EVA1A: variants seen among roughly 807,000 people sequenced by gnomAD.
The protein encoded by EVA1A is protein eva-1 homolog A.
In EVA1A, 7 loss-of-function variants were observed where a neutral mutation model predicts 9.8. That is an observed-to-expected ratio of 0.71 (90% confidence interval 0.41 to 1.34). The LOEUF (loss-of-function observed/expected upper bound fraction) is 1.34. Ranked by LOEUF, EVA1A falls within the 40% of genes most tolerant of loss-of-function variation. EVA1A has a pLI of 0.01. For missense variants in EVA1A, 206 were observed against 205.9 expected (o/e 1.00, Z 0.00); for synonymous variants, 90 against 85.6 (o/e 1.05, Z -0.28).
intron 3 of EVA1A, among the ~76,000 whole-genome samples, chr2:75,516,331 A>C (rs1295017751): frequency 6.6e-6 from 1 of 152,218 alleles, no homozygotes; most frequent in Non-Finnish European, 1.5e-5. Context: ...CTGAGTCTAC[A>C]CACTGCATCC....
chr2:75,562,772 T>C (rs1056665911), upstream of EVA1A, among the ~76,000 whole-genome samples: 3 of 152,256 alleles, frequency 2.0e-5, no homozygotes, highest in Non-Finnish European at 2.9e-5. Context: ...GGTTTCCTGA[T>C]GTAATACTAC....
intron 3 of EVA1A, among the ~76,000 whole-genome samples, chr2:75,503,250 T>A (rs1056231159): frequency 4.6e-5 from 7 of 152,178 alleles, no homozygotes; most frequent in Admixed American, 3.9e-4. Context: ...GGTGATTGTT[T>A]TTTCTCTCCT....
At chr2:75,533,340 T>C (rs1675747605) in intron 1 of EVA1A, among the ~76,000 whole-genome samples, 2 of 152,070 alleles carry the variant, frequency 1.3e-5, no homozygotes. Flanking sequence ...TTTCAGCGGC[T>C]GAAAGAAATG....
upstream of EVA1A, among the ~76,000 whole-genome samples, chr2:75,563,182 A>C (rs1485804880): frequency 6.6e-6 from 1 of 152,210 alleles, no homozygotes; most frequent in African/African-American, 2.4e-5. Flanking sequence ...CCTACACTTC[A>C]ACAGATTTCA....
intron 2 of EVA1A, chr2:75,518,869 G>C: frequency 1.0e-6 from 1 of 985,374 alleles, no homozygotes; most frequent in Non-Finnish European, 1.2e-6. Context: ...TTCAGAGCTG[G>C]CTATCCCAGA....
chr2:75,533,670 C>T (rs747258579), intron 1 of EVA1A, among the ~76,000 whole-genome samples: 84 of 151,990 alleles, frequency 5.5e-4, no homozygotes, highest in Non-Finnish European at 9.9e-4. Flanking sequence ...GGTGCAGTTG[C>T]TCACACCTGT....
chr2:75,493,112 T>C lies in EVA1A; in HGVS notation c.*124A>G. 1 of 1,368,380 alleles carries C rather than the reference T, an allele frequency of 7.3e-7. No homozygotes were observed. Among genetic ancestry groups the C allele is most frequent in the Non-Finnish European group, 9.9e-7 (1 of 1,008,610 alleles). The allele number at this position is 1,368,380 out of a possible 1,614,324, so 84.8% of individuals were successfully genotyped here. On this transcript the variant is annotated 3_prime_UTR_variant, in exon 4 of 4. Coordinates refer to ENST00000393913, the MANE Select transcript of EVA1A (RefSeq NM_001135032.2). ...AATCCTCCTGGCTAGAAAAGGGGCA[T>C]GTCCTGCTTTTTCTCTGAAATCACA...
chr2:75,520,176 T>C (rs1360614899), intron 2 of EVA1A, among the ~76,000 whole-genome samples: 1 of 152,178 alleles, frequency 6.6e-6, no homozygotes, highest in Non-Finnish European at 1.5e-5. Context: ...TTCCCCCAAG[T>C]AGAGCAAGCT....
intron 3 of EVA1A, among the ~76,000 whole-genome samples, chr2:75,497,504 A>T (rs1209596271): frequency 6.6e-6 from 1 of 152,058 alleles, no homozygotes; most frequent in Non-Finnish European, 1.5e-5. Flanking sequence ...CGCCAGTCAG[A>T]ATGGCCATTA....
At chr2:75,541,868 C>T (rs1458413542) in intron 1 of EVA1A, 2 of 152,266 alleles carry the variant, frequency 1.3e-5, no homozygotes, top group Admixed American at 6.5e-5. Context: ...TGTCACTCCT[C>T]TAATTCAGAA....
Position 75,535,085 on chromosome 2 carries a change from G to GA in EVA1A, c.-191-12599dup, listed in dbSNP as rs567942141. On this transcript the variant is annotated intron_variant, in intron 1 of 3. Transcript: ENST00000393913. ...CCAAGGAAGTCAAACAAATCAGCAAGAAAAAAAAATCCCATTAAAAAGTGG... is the reference window on the plus strand; with the variant it reads ...CCAAGGAAGTCAAACAAATCAGCAAGAAAAAAAAAATCCCATTAAAAAGTGG... Among the ~76,000 whole-genome samples, 930 of 149,336 alleles carry GA rather than the reference G, an allele frequency of 6.2e-3. 8 individuals carry two copies. The highest frequency in any genetic ancestry group is 0.023 in the South Asian group (111 of 4,726).
At chr2:75,517,540 C>T (rs551500324) in intron 3 of EVA1A, among the ~76,000 whole-genome samples, 2 of 152,216 alleles carry the variant, frequency 1.3e-5, no homozygotes, top group African/African-American at 2.4e-5. Flanking sequence ...TTTGAACCAA[C>T]GAAGGGACAA....
chr2:75,557,895 G>A (rs1236452559), intron 1 of EVA1A, among the ~76,000 whole-genome samples: 1 of 152,242 alleles, frequency 6.6e-6, no homozygotes, highest in African/African-American at 2.4e-5. Flanking sequence ...ATGGACTTAG[G>A]CTCTCATTAA....
Position 75,492,724 on chromosome 2 carries a change from G to A in EVA1A, c.*512C>T, listed in dbSNP as rs1674074996. The A allele has an allele frequency of 6.5e-6, 1 of 153,156 alleles. No individual in the cohort carries two copies. Among genetic ancestry groups the A allele is most frequent in the South Asian group, 2.1e-4 (1 of 4,826 alleles). The allele number at this position is 153,156 out of a possible 1,614,324, so 9.5% of individuals were successfully genotyped here. A position where few individuals can be genotyped will look rare whatever the true frequency, so the allele number is the denominator to read the frequency against. On this transcript the variant is annotated 3_prime_UTR_variant, in exon 4 of 4. Coordinates refer to ENST00000393913, the MANE Select transcript of EVA1A (RefSeq NM_001135032.2). ...GGTGCCAGTTAAAATGGACGAGGTT[G>A]CCCTTGCAACACAAGATTTTAAAAA...
In EVA1A at chr2:75,548,000, C is replaced by G. The variant is rs1572988012; in HGVS notation, c.-192+12680G>C. Among the ~76,000 whole-genome samples, 5 of 152,360 alleles carry G rather than the reference C, an allele frequency of 3.3e-5. No homozygotes were observed. In the South Asian group the frequency reaches 1.0e-3, roughly 32 times the overall value. The stretch of plus-strand genomic sequence containing the variant: ...CTGTAGGTCCACAAAGCTTAGAATA[C>G]TTACTATCTGATCCTTTACAGAAAA... On this transcript the variant is annotated intron_variant, in intron 1 of 3. Coordinates refer to ENST00000393913, the MANE Select transcript of EVA1A (RefSeq NM_001135032.2).
At chr2:75,566,630 T>C (rs1004661738) in intron 1 of EVA1A, among the ~76,000 whole-genome samples, 1 of 152,208 alleles carries the variant, frequency 6.6e-6, no homozygotes, top group Non-Finnish European at 1.5e-5. Flanking sequence ...CTTGTTGAAT[T>C]ATTTCCTCAC....
At chr2:75,524,267 A>G (rs1416292797) in intron 1 of EVA1A, 1 of 152,044 alleles carries the variant, frequency 6.6e-6, no homozygotes, top group African/African-American at 2.4e-5. Context: ...GAATACTGCT[A>G]TGCACTCTCC....
rs1389164621 is a variant in EVA1A at position 75,493,220 on chromosome 2, G to A, written c.*16C>T. On this transcript the variant is annotated 3_prime_UTR_variant, in exon 4 of 4. Transcript: ENST00000393913. ...TTCCAGGCGGCCTCCAGTGGTTTCC[G>A]GGGTCCTGCTGCTCCCTAATAGTAG... 1.3e-6 allele frequency: 2 copies of A among 1,594,494 alleles called. No individual in the cohort carries two copies. The highest frequency in any genetic ancestry group is 1.7e-5 in the Admixed American group (1 of 58,644).
intron 1 of EVA1A, among the ~76,000 whole-genome samples, chr2:75,541,449 G>A (rs1449882149): frequency 2.0e-5 from 3 of 152,188 alleles, no homozygotes; most frequent in African/African-American, 4.8e-5. Flanking sequence ...TAGGCAGGAA[G>A]GTTCTCAAGA....
Sources: allele counts gnomAD v4.1 joint callset (sites outside exome capture counted in the v4.1 genomes callset), GRCh38; gene constraint gnomAD v4.1.1; transcripts MANE v1.5; gene names NCBI Gene and HGNC (gene_info 2026-07-23, HGNC 2026-07-21).